CDH4: variants seen among roughly 807,000 people sequenced by gnomAD.
The protein encoded by CDH4 is cadherin-4.
Under a neutral mutation model 86.0 loss-of-function variants are expected in CDH4, and 33 were observed. That is an observed-to-expected ratio of 0.38 (90% CI 0.29 to 0.51). The LOEUF is 0.51. Ranked by LOEUF, CDH4 falls within the 20% of genes least tolerant of loss-of-function variation. The pLI, the probability that CDH4 is intolerant of heterozygous loss-of-function variation, is 0.86. For missense variants in CDH4, 1,114 were observed against 1,307.4 expected (o/e 0.85, Z 2.28); for synonymous variants, 555 against 549.4 (o/e 1.01, Z -0.14).
intron 2 of CDH4, among the ~76,000 whole-genome samples, chr20:61,617,600 G>A (rs1455778850): frequency 2.0e-5 from 3 of 152,244 alleles, no homozygotes; most frequent in Non-Finnish European, 4.4e-5. Context: ...AAATCTGGGG[G>A]CGACAGCGTG....
chr20:61,422,250 C>T (rs2085181801), intron 2 of CDH4, among the ~76,000 whole-genome samples: 1 of 151,452 alleles, frequency 6.6e-6, no homozygotes, highest in South Asian at 2.1e-4. Flanking sequence ...CATGGAGAAA[C>T]CTAATCTCTA....
rs566167800 is a variant in CDH4 at position 61,363,690 on chromosome 20, G to A, written c.169+108753G>A. Among the ~76,000 whole-genome samples the A allele has an allele frequency of 6.1e-4, 93 of 152,280 alleles. 1 individual carries two copies. Among genetic ancestry groups the A allele is most frequent in the African/African-American group, 1.8e-3 (75 of 41,552 alleles). ...ACACAGGCCAGAAGGTGAGAAAGTT[G>A]CCCCTTCGAGGAGAGAATCAACGTG... On this transcript the variant is annotated intron_variant, in intron 2 of 15. Coordinates refer to ENST00000614565, the MANE Select transcript of CDH4 (RefSeq NM_001794.5).
chr20:61,406,682 C>G (rs1207307296), intron 2 of CDH4, among the ~76,000 whole-genome samples: 1 of 142,612 alleles, frequency 7.0e-6, no homozygotes, highest in Non-Finnish European at 1.5e-5. Flanking sequence ...TCTGCTCTCC[C>G]TGGACCACCA....
Position 61,428,286 on chromosome 20 carries a change from G to A in CDH4, c.169+173349G>A, listed in dbSNP as rs2085225716. Reference sequence around the variant, plus strand: ...GTGTGGGAACTAGTCTGTCTTTTGGGAGAATCATTGCTTCTAAAGCTGAAT... The same window carrying A: ...GTGTGGGAACTAGTCTGTCTTTTGGAAGAATCATTGCTTCTAAAGCTGAAT... On this transcript the variant is annotated intron_variant, in intron 2 of 15. Coordinates refer to ENST00000614565, the MANE Select transcript of CDH4 (RefSeq NM_001794.5). Among the ~76,000 whole-genome samples the A allele has an allele frequency of 2.0e-5, 3 of 152,298 alleles. No individual in the cohort carries two copies. In the South Asian group the frequency reaches 6.2e-4, roughly 32 times the overall value.
chr20:61,764,880 C>G (rs370000489), intron 3 of CDH4, among the ~76,000 whole-genome samples: 16 of 152,328 alleles, frequency 1.1e-4, no homozygotes, highest in African/African-American at 3.6e-4. Context: ...CACTAGGACC[C>G]GTGCCTGGAG....
In CDH4 at chr20:61,417,608, T is replaced by C. The variant is rs1025087923; in HGVS notation, c.169+162671T>C. ...TGGCTGGAATGCATTTCTGTATCGC[T>C]ATCTAGCAGGGCTGTAAATTGGCAG... On this transcript the variant is annotated intron_variant, in intron 2 of 15. Coordinates refer to ENST00000614565, the MANE Select transcript of CDH4 (RefSeq NM_001794.5). The surrounding 1 kb of genome is among the most constrained non-coding windows in gnomAD (Gnocchi z 4.0). Among the ~76,000 whole-genome samples, 13 of 152,238 alleles carry C rather than the reference T, an allele frequency of 8.5e-5. No homozygotes were observed. Among genetic ancestry groups the C allele is most frequent in the Non-Finnish European group, 1.8e-4 (12 of 68,046 alleles).
At chr20:61,397,679 C>CTA (rs35078284) in intron 2 of CDH4, among the ~76,000 whole-genome samples, 34,681 of 151,992 alleles carry the variant, frequency 0.23, 4,012 homozygotes, top group East Asian at 0.39. Flanking sequence ...TTAAACTGCA[C>CTA]TATAGTTTTT....
intron 2 of CDH4, among the ~76,000 whole-genome samples, chr20:61,445,972 G>A (rs1262161694): frequency 6.6e-6 from 1 of 152,238 alleles, no homozygotes; most frequent in East Asian, 1.9e-4. Context: ...CTGGTGGATA[G>A]CAGTTGGTTA....
At chr20:61,632,835 T>A in intron 2 of CDH4, among the ~76,000 whole-genome samples, 1 of 94,200 alleles carries the variant, frequency 1.1e-5, no homozygotes, top group Non-Finnish European at 2.1e-5. Context: ...CCTCTCCTCC[T>A]CTCCCCACCC....
chr20:61,575,402 GT>G (rs2086375273), intron 2 of CDH4, among the ~76,000 whole-genome samples: 1 of 152,184 alleles, frequency 6.6e-6, no homozygotes, highest in Non-Finnish European at 1.5e-5. Flanking sequence ...TAAAACAAAG[GT>G]TCTTCCTGTC....
At chr20:61,857,072 G>A (rs6061871) in intron 6 of CDH4, among the ~76,000 whole-genome samples, 196 of 152,352 alleles carry the variant, frequency 1.3e-3, no homozygotes, top group African/African-American at 4.6e-3. Flanking sequence ...TCTTTCCCAA[G>A]AGTCCCCGCA....
intron 2 of CDH4, among the ~76,000 whole-genome samples, chr20:61,545,423 T>G (rs1267094579): frequency 6.6e-6 from 1 of 152,190 alleles, no homozygotes; most frequent in Non-Finnish European, 1.5e-5. Context: ...TGGCGATCAG[T>G]CTGTCACGGG....
At chr20:61,866,712 C>G (rs1983565864) in intron 6 of CDH4, among the ~76,000 whole-genome samples, 1 of 152,136 alleles carries the variant, frequency 6.6e-6, no homozygotes, top group Non-Finnish European at 1.5e-5. Context: ...CTCATTGTGC[C>G]TTTAGATGTT....
intron 8 of CDH4, among the ~76,000 whole-genome samples, chr20:61,900,597 A>G (rs373757267): frequency 2.0e-5 from 3 of 152,230 alleles, no homozygotes; most frequent in African/African-American, 7.2e-5. Flanking sequence ...GGAAAGGACA[A>G]GCCCAAGGCA....
At chr20:61,714,390 G>A (rs2087929807) in intron 2 of CDH4, among the ~76,000 whole-genome samples, 1 of 152,046 alleles carries the variant, frequency 6.6e-6, no homozygotes, top group African/African-American at 2.4e-5. Context: ...GGGTATTCAT[G>A]ATATTTTATT....
Position 61,623,187 on chromosome 20 carries a change from G to A in CDH4, c.170-120376G>A, listed in dbSNP as rs552316776. Among the ~76,000 whole-genome samples, 89 of 152,206 alleles carry A rather than the reference G, an allele frequency of 5.8e-4. No homozygotes were observed. Among genetic ancestry groups the A allele is most frequent in the Non-Finnish European group, 1.1e-3 (76 of 68,004 alleles). ...GTAGAAGGGCCTGGGTTCAAATCTCGACCCTGCCTATGCCAGCCGCTGGCT... is the reference window on the plus strand; with the variant it reads ...GTAGAAGGGCCTGGGTTCAAATCTCAACCCTGCCTATGCCAGCCGCTGGCT... On this transcript the variant is annotated intron_variant, in intron 2 of 15. Transcript: ENST00000614565. The surrounding 1 kb of genome is among the most constrained non-coding windows in gnomAD (Gnocchi z 4.4).
chr20:61,603,316 G>A (rs1465568575), intron 2 of CDH4, among the ~76,000 whole-genome samples: 2 of 152,164 alleles, frequency 1.3e-5, no homozygotes, highest in Non-Finnish European at 2.9e-5. Context: ...AGGTGATGGG[G>A]TGGAGTCTCC....
chr20:61,659,602 T>A (rs2087230024), intron 2 of CDH4, among the ~76,000 whole-genome samples: 1 of 150,096 alleles, frequency 6.7e-6, no homozygotes, highest in African/African-American at 2.5e-5. Flanking sequence ...CATCTGAGGC[T>A]TGGAGGCAGG....
intron 2 of CDH4, among the ~76,000 whole-genome samples, chr20:61,650,959 A>T (rs1388111276): frequency 1.3e-5 from 2 of 152,232 alleles, no homozygotes; most frequent in African/African-American, 2.4e-5. Context: ...TCGAACCTTT[A>T]CTGAAGGTGG....
Sources: gnomAD v4.1 joint callset for allele counts (sites outside exome capture counted in the v4.1 genomes callset) on GRCh38, gnomAD v4.1.1 for gene constraint, Gnocchi (gnomAD v3.1) non-coding constraint, MANE v1.5 for transcripts, NCBI Gene and HGNC (gene_info 2026-07-23, HGNC 2026-07-21) for gene names.